Variants in AUTS2 observed in about 807,000 individuals in gnomAD.
AUTS2 encodes the protein autism susceptibility gene 2 protein.
A neutral mutation model predicts 112.4 loss-of-function variants in AUTS2; 17 were observed. The ratio of observed to expected loss-of-function variants is 0.15; its 90% confidence interval spans 0.10 to 0.23. The LOEUF (loss-of-function observed/expected upper bound fraction) is 0.23, where lower values mean the gene tolerates loss of function less well. Ranked by LOEUF, AUTS2 falls within the 10% of genes least tolerant of loss-of-function variation. AUTS2 has a pLI of 1.00. For synonymous variants in AUTS2, 751 were observed against 702.7 expected (o/e 1.07, Z -1.09); for missense variants, 1,510 against 1,701.6 (o/e 0.89, Z 1.98).
chr7:69,987,032 C>T (rs962044415), intron 2 of AUTS2, among the ~76,000 whole-genome samples: 2 of 151,964 alleles, frequency 1.3e-5, no homozygotes, highest in Non-Finnish European at 2.9e-5. Flanking sequence ...TTGGCCAGAC[C>T]CTGGAAGCAC....
chr7:70,054,187 C>T (rs1197040823), intron 2 of AUTS2, among the ~76,000 whole-genome samples: 1 of 152,132 alleles, frequency 6.6e-6, no homozygotes, highest in African/African-American at 2.4e-5. Flanking sequence ...TTTAAATTTG[C>T]ATAGCCATGT....
intron 1 of AUTS2, among the ~76,000 whole-genome samples, chr7:69,665,647 A>G (rs1795997378): frequency 6.6e-6 from 1 of 152,170 alleles, no homozygotes; most frequent in Admixed American, 6.5e-5. Flanking sequence ...TCCCTTCTGT[A>G]TAATCATTCT....
At chr7:70,777,231 G>A (rs761765483) in intron 14 of AUTS2, 57 bp downstream of exon 14, 8 of 1,482,890 alleles carry the variant, frequency 5.4e-6, no homozygotes, top group African/African-American at 1.4e-5. Flanking sequence ...AGTGTGTGAC[G>A]TGCTCGGGAG....
chr7:70,294,935 C>G (rs1788864494), intron 4 of AUTS2, among the ~76,000 whole-genome samples: 2 of 151,560 alleles, frequency 1.3e-5, no homozygotes, highest in South Asian at 4.2e-4. Context: ...CATTATAGAT[C>G]ATGAAGACAT....
At chr7:70,089,568 T>A (rs2129567294) in intron 2 of AUTS2, among the ~76,000 whole-genome samples, 1 of 152,258 alleles carries the variant, frequency 6.6e-6, no homozygotes, top group South Asian at 2.1e-4. Flanking sequence ...TGTCTGACAA[T>A]CTTTTGCCTT....
At chr7:69,784,327 C>T (rs10254108) in intron 1 of AUTS2, among the ~76,000 whole-genome samples, 3 of 152,196 alleles carry the variant, frequency 2.0e-5, no homozygotes, top group African/African-American at 7.2e-5. Flanking sequence ...ACTTGAAGTA[C>T]TCAGCTAGAG....
rs1016086123 is a variant in AUTS2, at chr7:70,791,349, A to ATTCT, written c.*357_*360dup. On this transcript the variant is annotated 3_prime_UTR_variant, in exon 19 of 19. Coordinates refer to ENST00000342771, the MANE Select transcript of AUTS2 (RefSeq NM_015570.4). ...AAGTCCACGCCATCCATCATGCAAA[A>ATTCT]TTCTTTCAGATGAGGTGGGAAGGCC... 1 of 194,912 alleles carries ATTCT rather than the reference A, an allele frequency of 5.1e-6. No homozygotes were observed. The allele number at this position is 194,912 out of a possible 1,614,324, so 12.1% of individuals were successfully genotyped here.
chr7:70,131,595 GT>G (rs2129574618), intron 3 of AUTS2, among the ~76,000 whole-genome samples: 1 of 152,172 alleles, frequency 6.6e-6, no homozygotes, highest in Non-Finnish European at 1.5e-5. Flanking sequence ...TATTACTGCT[GT>G]TTCTAAACAT....
intron 4 of AUTS2, among the ~76,000 whole-genome samples, chr7:70,311,926 G>A (rs538326139): frequency 6.6e-6 from 1 of 152,334 alleles, no homozygotes; most frequent in African/African-American, 2.4e-5. Context: ...GTGTTAGCCA[G>A]GATGGTCTTG....
chr7:70,303,623 C>A (rs902971142), intron 4 of AUTS2, among the ~76,000 whole-genome samples: 4 of 152,150 alleles, frequency 2.6e-5, no homozygotes, highest in Non-Finnish European at 5.9e-5. Context: ...TTGTGGGTTA[C>A]AGTAGTTTCA....
At chr7:70,393,120 G>T (rs1269223358) in intron 4 of AUTS2, among the ~76,000 whole-genome samples, 2 of 152,172 alleles carry the variant, frequency 1.3e-5, no homozygotes, top group South Asian at 4.1e-4. Flanking sequence ...GCTCAGAGGG[G>T]CTCCTCTGTC....
In AUTS2 at chr7:70,744,613, C is replaced by T. The variant is rs1040904968; in HGVS notation, c.743-18257C>T. ...CCAGCCTTCAGTGCCGCCTGGCTGCCGGGCGCATGCCGTTGTCAGACCGAT... is the reference window on the plus strand; with the variant it reads ...CCAGCCTTCAGTGCCGCCTGGCTGCTGGGCGCATGCCGTTGTCAGACCGAT... On this transcript the variant is annotated intron_variant, in intron 6 of 18. Coordinates refer to ENST00000342771, the MANE Select transcript of AUTS2 (RefSeq NM_015570.4). Among the ~76,000 whole-genome samples the T allele has an allele frequency of 5.3e-5, 8 of 152,134 alleles. No homozygotes were observed. In the East Asian group the frequency reaches 5.8e-4, roughly 11 times the overall value.
rs1174057920 is a variant in AUTS2, at chr7:70,004,309, ATATAT to A, written c.522+104817_522+104821del. On this transcript the variant is annotated intron_variant, in intron 2 of 18. Coordinates refer to ENST00000342771, the MANE Select transcript of AUTS2 (RefSeq NM_015570.4). ...ATATATGAATATATTATATGTGACT[ATATAT>A]TATATATATAATATATATATGAATA... 2.4e-5 allele frequency among the ~76,000 whole-genome samples: 3 copies of A among 126,092 alleles called. No individual in the cohort carries two copies. In the East Asian group the frequency reaches 6.1e-4, roughly 25 times the overall value. The allele number at this position is 126,092 out of a possible 152,430, so 82.7% of individuals were successfully genotyped here.
At chr7:70,318,725 G>A (rs943981367) in intron 4 of AUTS2, among the ~76,000 whole-genome samples, 1 of 152,180 alleles carries the variant, frequency 6.6e-6, no homozygotes, top group African/African-American at 2.4e-5. Flanking sequence ...AGGAGGCAGA[G>A]GAGGGTTCCA....
At chr7:70,759,423 T>G (rs761275704) in intron 6 of AUTS2, among the ~76,000 whole-genome samples, 12 of 152,236 alleles carry the variant, frequency 7.9e-5, no homozygotes, top group Admixed American at 3.9e-4. Context: ...AGGCAGAATC[T>G]AGAGCCGCAT....
intron 4 of AUTS2, among the ~76,000 whole-genome samples, chr7:70,298,583 T>C (rs1364842644): frequency 1.3e-5 from 2 of 152,190 alleles, no homozygotes; most frequent in Non-Finnish European, 2.9e-5. Flanking sequence ...CCCAAGATAT[T>C]AATGTAAGTA....
chr7:70,381,942 A>G (rs1793385439), intron 4 of AUTS2, among the ~76,000 whole-genome samples: 1 of 152,144 alleles, frequency 6.6e-6, no homozygotes, highest in Admixed American at 6.5e-5. Context: ...GCACTGTTTT[A>G]TAGGTGGGTG....
intron 5 of AUTS2, among the ~76,000 whole-genome samples, chr7:70,552,978 C>T: frequency 6.6e-6 from 1 of 152,202 alleles, no homozygotes; most frequent in East Asian, 1.9e-4. Flanking sequence ...ATATGTCCAG[C>T]CAGACCCAGC....
chr7:70,428,794 ACT>A (rs1219088456), intron 4 of AUTS2, among the ~76,000 whole-genome samples: 3 of 152,120 alleles, frequency 2.0e-5, no homozygotes, highest in Non-Finnish European at 4.4e-5. Context: ...AATGATTGCC[ACT>A]CTGTGCTTAA....
Sources: gnomAD v4.1 joint callset for allele counts (sites outside exome capture counted in the v4.1 genomes callset) on GRCh38, gnomAD v4.1.1 for gene constraint, MANE v1.5 for transcripts, NCBI Gene and HGNC (gene_info 2026-07-23, HGNC 2026-07-21) for gene names.